Variants in SZT2 observed in about 807,000 individuals in gnomAD.
SZT2 encodes SZT2 subunit of KICSTOR complex.
In SZT2, 216 loss-of-function variants were observed where a neutral mutation model predicts 404.2. That is an observed-to-expected ratio of 0.53 (90% CI 0.48 to 0.60). The LOEUF (loss-of-function observed/expected upper bound fraction) is 0.60, where lower values mean the gene tolerates loss of function less well. Ranked by LOEUF, SZT2 falls within the 20% of genes least tolerant of loss-of-function variation. The probability of loss-of-function intolerance (pLI) is 0.00; values close to 1 mark genes in which losing one functional copy is unlikely to be tolerated. For synonymous variants in SZT2, 1,693 were observed against 1,749.9 expected (o/e 0.97, Z 0.81); for missense variants, 3,857 against 4,459.2 (o/e 0.86, Z 3.85).
In SZT2 at chr1:43,390,489, A is replaced by G. The variant is rs557839599; in HGVS notation, c.27+494A>G. ...ACCTCGTTCCAATATTGGCGCTGTC[A>G]TGTAGCTAATCTGTGCAACCTCAGG... On this transcript the variant is annotated intron_variant, in intron 1 of 71. Transcript: ENST00000634258. Among the ~76,000 whole-genome samples the G allele has an allele frequency of 6.6e-5, 10 of 152,354 alleles. No individual in the cohort carries two copies. In the South Asian group the frequency reaches 1.7e-3, roughly 25 times the overall value.
Position 43,424,738 on chromosome 1 carries a change from C to T in SZT2, c.2472-46C>T, listed in dbSNP as rs1652935500. 6.5e-7 allele frequency: 1 copy of T among 1,543,566 alleles called. No individual in the cohort carries two copies. Among genetic ancestry groups the T allele is most frequent in the Non-Finnish European group, 8.9e-7 (1 of 1,117,422 alleles). ...GGGAGAGCTTGTAGTCTCAGTGTCT[C>T]TTCTTCCCTTATCCTGGCCTTGCCC... On this transcript the variant is annotated intron_variant, in intron 16 of 71. Transcript: ENST00000634258. This position sits in a 1 kb window ranked among gnomAD's most constrained non-coding sequence, Gnocchi z 4.1.
intron 1 of SZT2, among the ~76,000 whole-genome samples, chr1:43,391,390 C>T (rs1648297566): frequency 6.6e-6 from 1 of 152,026 alleles, no homozygotes; most frequent in South Asian, 2.1e-4. Flanking sequence ...TGGCCAGGCT[C>T]CAGTCCTTGT....
intron 36 of SZT2, 24 bp downstream of exon 36, chr1:43,431,925 AGGGTCACCTTG>A (rs766102947): frequency 2.2e-5 from 36 of 1,613,272 alleles, no homozygotes; most frequent in Non-Finnish European, 3.0e-5. Context: ...CAAACACTGC[AGGGTCACCTTG>A]GGGCCCGTCC....
At position 43,450,584 on chromosome 1, in the gene SZT2, G is replaced by A; in HGVS notation, c.*104G>A. 2 of 1,506,052 alleles carry A rather than the reference G, an allele frequency of 1.3e-6. No individual in the cohort carries two copies. Among genetic ancestry groups the A allele is most frequent in the Non-Finnish European group, 1.8e-6 (2 of 1,106,218 alleles). 93.3% of individuals were successfully genotyped at this position (1,506,052 alleles called of 1,614,324 possible). On this transcript the variant is annotated 3_prime_UTR_variant, in exon 72 of 72. Transcript: ENST00000634258. The surrounding 1 kb of genome is among the most constrained non-coding windows in gnomAD (Gnocchi z 4.3). ...CCAGCCCTTCTGGGCCCCAGGGCAA[G>A]CCAGACACTGAGTGACACCAAAGGC...
At position 43,435,340 on chromosome 1, in the gene SZT2, A is replaced by C. The variant is rs2039531; in HGVS notation, c.6034+11A>C. 606,313 of 1,612,742 alleles carry C rather than the reference A, an allele frequency of 0.38. 121,820 individuals are homozygous for C. The highest frequency in any genetic ancestry group is 0.42 in the Non-Finnish European group (493,364 of 1,179,340). On this transcript the variant is annotated intron_variant, in intron 42 of 71. Coordinates refer to ENST00000634258, the MANE Select transcript of SZT2 (RefSeq NM_001365999.1). ...CACTGCCCAGTGATGGTGAGATCCC[A>C]CCCAGGAGCCTCCCTCACAAGGCAG... is the stretch of plus-strand genomic sequence containing the variant.
At chr1:43,394,398 G>A (rs1206757575) in intron 1 of SZT2, among the ~76,000 whole-genome samples, 1 of 151,976 alleles carries the variant, frequency 6.6e-6, no homozygotes, top group African/African-American at 2.4e-5. Flanking sequence ...TCTTAATTCA[G>A]TTGGTCTGGG....
At chr1:43,412,837 TATCTTAAAAA>T (rs1161415768) in intron 4 of SZT2, 1 of 152,198 alleles carries the variant, frequency 6.6e-6, no homozygotes, top group African/African-American at 2.4e-5. Flanking sequence ...GGATTTTTTT[TATCTTAAAAA>T]AGATCTCAAT....
At chr1:43,421,071 C>T (rs1652300584) in intron 10 of SZT2, 88 bp downstream of exon 10, 13 of 1,593,888 alleles carry the variant, frequency 8.2e-6, no homozygotes, top group South Asian at 5.5e-5. Context: ...GAGCATCACC[C>T]AGAGAACCAG....
chr1:43,441,223 GAA>G lies in SZT2; in HGVS notation c.7355_7356del (p.Glu2452ValfsTer11), dbSNP rs1436871170. 4 of 1,614,078 alleles carry G rather than the reference GAA, an allele frequency of 2.5e-6. No homozygotes were observed. The highest frequency in any genetic ancestry group is 1.1e-5 in the South Asian group (1 of 91,070). On this transcript the variant is annotated frameshift_variant, in exon 53 of 72. Coordinates refer to ENST00000634258, the MANE Select transcript of SZT2 (RefSeq NM_001365999.1). LOFTEE classifies it high-confidence loss of function. The surrounding 1 kb of genome is among the most constrained non-coding windows in gnomAD (Gnocchi z 4.8). ...ACTGCATTGCCCCCAGAGTAAAACA[GAA>G]TGTGGGGATTTGGGTTCCCCCAAAA... ...RSFWDMLSKT[E>X]CGDLGSPKTT...
intron 1 of SZT2, among the ~76,000 whole-genome samples, chr1:43,392,301 A>G (rs2153927013): frequency 6.6e-6 from 1 of 152,188 alleles, no homozygotes; most frequent in South Asian, 2.1e-4. Context: ...GTCTAGCAAC[A>G]TTGTAAGTGC....
chr1:43,392,158 A>C (rs1399449295), intron 1 of SZT2, among the ~76,000 whole-genome samples: 1 of 150,496 alleles, frequency 6.6e-6, no homozygotes, highest in Non-Finnish European at 1.5e-5. Context: ...GTAATTATAT[A>C]TTTAACCCAA....
At position 43,451,257 on chromosome 1, in the gene SZT2, T is replaced by C; in HGVS notation, c.*777T>C. On this transcript the variant is annotated 3_prime_UTR_variant, in exon 72 of 72. Coordinates refer to ENST00000634258, the MANE Select transcript of SZT2 (RefSeq NM_001365999.1). ...GGGCCCTCACTGGCCAGCCTCTGGG[T>C]GGCCCCGCCTATCCCAGTATGAACG... The C allele has an allele frequency of 6.2e-7, 1 of 1,613,968 alleles. No individual in the cohort carries two copies. Among genetic ancestry groups the C allele is most frequent in the Non-Finnish European group, 8.5e-7 (1 of 1,180,028 alleles).
intron 15 of SZT2, among the ~76,000 whole-genome samples, chr1:43,423,926 G>A (rs1281785964): frequency 1.3e-5 from 2 of 150,918 alleles, no homozygotes; most frequent in Non-Finnish European, 3.0e-5. Flanking sequence ...GCTTAGCAGG[G>A]TATCAGTGGT....
In SZT2 at chr1:43,423,996, C is replaced by T. The variant is rs183880741; in HGVS notation, c.2256-221C>T. Among the ~76,000 whole-genome samples the T allele has an allele frequency of 2.7e-3, 384 of 141,996 alleles. 3 individuals are homozygous for T. Among genetic ancestry groups the T allele is most frequent in the African/African-American group, 9.8e-3 (365 of 37,248 alleles). The allele number at this position is 141,996 out of a possible 152,430, so 93.2% of individuals were successfully genotyped here. A position where few individuals can be genotyped will look rare whatever the true frequency, so the allele number is the denominator to read the frequency against. On this transcript the variant is annotated intron_variant, in intron 15 of 71. Coordinates refer to ENST00000634258, the MANE Select transcript of SZT2 (RefSeq NM_001365999.1). ...TGAGTGGTACAGAGGCATGGAAGGGCGTGGCTTAGCCGGGTATGAGTGGTA... is the reference window on the plus strand; with the variant it reads ...TGAGTGGTACAGAGGCATGGAAGGGTGTGGCTTAGCCGGGTATGAGTGGTA...
At chr1:43,436,715 G>A (rs574517661) in intron 42 of SZT2, 4 of 167,334 alleles carry the variant, frequency 2.4e-5, no homozygotes, top group Admixed American at 1.7e-4. Context: ...GTTTATTGGC[G>A]TTTCTGTCTT....
chr1:43,431,197 A>G (rs532393106), intron 33 of SZT2, 68 bp from the exon 34 acceptor site: 5 of 1,562,170 alleles, frequency 3.2e-6, no homozygotes, highest in Middle Eastern at 1.8e-4. Context: ...GAGTCCAAGA[A>G]TGAAGTAAGG....
chr1:43,443,323 GC>G, intron 60 of SZT2, 28 bp from the exon 61 acceptor site: 1 of 1,614,172 alleles, frequency 6.2e-7, no homozygotes, highest in Non-Finnish European at 8.5e-7. Flanking sequence ...CCCCGTCACT[GC>G]TCCATGCTCA....
chr1:43,424,082 T>G lies in SZT2; in HGVS notation c.2256-135T>G, dbSNP rs1353755411. ...AGTGGTACAGAGGTGTGGAAGGGCG[T>G]GGCTTAGCCGGGTATCAGTGGTACA... is the stretch of plus-strand genomic sequence containing the variant. On this transcript the variant is annotated intron_variant, in intron 15 of 71. Coordinates refer to ENST00000634258, the MANE Select transcript of SZT2 (RefSeq NM_001365999.1). The surrounding 1 kb of genome is among the most constrained non-coding windows in gnomAD (Gnocchi z 4.1). 4.1e-6 allele frequency: 3 copies of G among 724,254 alleles called. No homozygotes were observed. Among genetic ancestry groups the G allele is most frequent in the Non-Finnish European group, 6.9e-6 (3 of 432,868 alleles). 44.9% of individuals were successfully genotyped at this position (724,254 alleles called of 1,614,324 possible). A position where few individuals can be genotyped will look rare whatever the true frequency, so the allele number is the denominator to read the frequency against.
chr1:43,445,497 C>T (rs1003721054), intron 62 of SZT2: 1 of 273,166 alleles, frequency 3.7e-6, no homozygotes, highest in Non-Finnish European at 7.2e-6. Flanking sequence ...GCCATCCCCC[C>T]CAATCAAAAG....
Sources: gnomAD v4.1 joint callset for allele counts (sites outside exome capture counted in the v4.1 genomes callset) on GRCh38, gnomAD v4.1.1 for gene constraint, Gnocchi (gnomAD v3.1) non-coding constraint, MANE v1.5 for transcripts, NCBI Gene and HGNC (gene_info 2026-07-23, HGNC 2026-07-21) for gene names.